NF1: variants seen among roughly 807,000 people sequenced by gnomAD.
The protein encoded by NF1 is neurofibromin 1, also known as neurofibromin.
NF1 carries 122 observed loss-of-function variants against 325.7 expected under a neutral mutation model. The observed-to-expected ratio is 0.37, with a 90% CI of 0.32 to 0.44. The LOEUF (loss-of-function observed/expected upper bound fraction) is 0.44. Among genes scored for constraint, NF1 ranks in the 20% least tolerant of loss-of-function variants. The probability of loss-of-function intolerance (pLI) is 1.00; values close to 1 mark genes in which losing one functional copy is unlikely to be tolerated. For synonymous variants in NF1, 1,091 were observed against 1,186.0 expected, an observed-to-expected ratio of 0.92 and a Z score of 1.65; for missense variants, 2,140 against 3,415.4, an observed-to-expected ratio of 0.63 and a Z score of 9.31.
Position 31,100,347 on chromosome 17 carries a change from A to G in NF1, c.60+4978A>G, listed in dbSNP as rs1024782953. 3.9e-5 allele frequency among the ~76,000 whole-genome samples: 6 copies of G among 152,266 alleles called. No individual in the cohort carries two copies. The South Asian group carries it at 6.2e-4, about 16-fold the overall frequency. On this transcript the variant is annotated intron_variant, in intron 1 of 57. Transcript: ENST00000358273. ...CAAAACTGAAGCTTTTTGGATTTAA[A>G]AAATATCTCCTAGCCTCATTCTTCA...
chr17:31,304,899 A>G (rs534001307), intron 36 of NF1: 7 of 1,614,150 alleles, frequency 4.3e-6, no homozygotes, highest in South Asian at 1.1e-5. Context: ...TACCTGCCCA[A>G]TTTTGATCAT....
At chr17:31,218,864 G>A (rs1249376280) in intron 13 of NF1, 141 bp from the exon 14 acceptor site, 15 of 850,454 alleles carry the variant, frequency 1.8e-5, no homozygotes, top group South Asian at 4.9e-5. Context: ...GAACCACCGC[G>A]TCCAGCCTAG....
chr17:31,173,755 A>G (rs2065972164), intron 5 of NF1, among the ~76,000 whole-genome samples: 1 of 152,226 alleles, frequency 6.6e-6, no homozygotes, highest in South Asian at 2.1e-4. Flanking sequence ...CAGGAAAATG[A>G]TAAATTCAGT....
At chr17:31,182,283 A>G (rs1340292194) in intron 7 of NF1, among the ~76,000 whole-genome samples, 3 of 152,178 alleles carry the variant, frequency 2.0e-5, no homozygotes, top group Admixed American at 2.0e-4. Flanking sequence ...TCCATTCTAA[A>G]ATGTGAGCTT....
chr17:31,338,508 C>G (rs1297074948), intron 45 of NF1, among the ~76,000 whole-genome samples, 196 bp from the exon 46 acceptor site: 2 of 152,070 alleles, frequency 1.3e-5, no homozygotes, highest in African/African-American at 2.4e-5. Flanking sequence ...TAATGTCTGA[C>G]TCTTATAATG....
intron 36 of NF1, chr17:31,294,904 C>G: frequency 1.4e-6 from 2 of 1,478,666 alleles, no homozygotes; most frequent in East Asian, 4.5e-5. Context: ...GACTGGCTTT[C>G]TTGAATACTT....
chr17:31,277,442 G>A (rs2068029623), intron 36 of NF1, among the ~76,000 whole-genome samples: 1 of 152,170 alleles, frequency 6.6e-6, no homozygotes. Context: ...TGTTGTCTTA[G>A]CCAGTGATAT....
intron 14 of NF1, among the ~76,000 whole-genome samples, chr17:31,221,063 G>A (rs2066912798): frequency 6.6e-6 from 1 of 152,084 alleles, no homozygotes; most frequent in African/African-American, 2.4e-5. Context: ...TGAAAGAAAT[G>A]TCCAGAGCTT....
intron 14 of NF1, among the ~76,000 whole-genome samples, chr17:31,219,747 A>G (rs17884466): frequency 0.084 from 12,796 of 151,518 alleles, 723 homozygotes; most frequent in Non-Finnish European, 0.13. Flanking sequence ...CATCCCTACC[A>G]ACTACTAATC....
In NF1 at chr17:31,280,023, A is replaced by G. The variant is rs951581124; in HGVS notation, c.4835+14684A>G. Among the ~76,000 whole-genome samples, 7 of 152,088 alleles carry G rather than the reference A, an allele frequency of 4.6e-5. 1 individual carries two copies. Among genetic ancestry groups the G allele is most frequent in the African/African-American group, 1.7e-4 (7 of 41,422 alleles). On this transcript the variant is annotated intron_variant, in intron 36 of 57. Coordinates refer to ENST00000358273, the MANE Select transcript of NF1 (RefSeq NM_001042492.3). Reference sequence around the variant, plus strand: ...CTTAATTTTTACCTGCTCTTACCACATACATCTGATTAGTCATTAAGTCTT... The same window carrying G: ...CTTAATTTTTACCTGCTCTTACCACGTACATCTGATTAGTCATTAAGTCTT...
chr17:31,331,607 G>C (rs760831892), intron 39 of NF1: 1 of 152,094 alleles, frequency 6.6e-6, no homozygotes, highest in African/African-American at 2.4e-5. Flanking sequence ...TGATAAAGAA[G>C]CATCACAAAC....
rs559238887 is a variant in NF1 at position 31,333,597 on chromosome 17, G to A, written c.5813-1241G>A. Among the ~76,000 whole-genome samples, 12 of 152,198 alleles carry A rather than the reference G, an allele frequency of 7.9e-5. No homozygotes were observed. In the South Asian group the frequency reaches 2.5e-3, roughly 32 times the overall value. On this transcript the variant is annotated intron_variant, in intron 39 of 57. Coordinates refer to ENST00000358273, the MANE Select transcript of NF1 (RefSeq NM_001042492.3). Reference sequence around the variant, plus strand: ...TTTATAATAGCAAAAAAATGAACAGGCCAAAAGTCAAAGAATAAGGAACTG... The same window carrying A: ...TTTATAATAGCAAAAAAATGAACAGACCAAAAGTCAAAGAATAAGGAACTG...
chr17:31,202,224 TC>T (rs1421653877), intron 11 of NF1, among the ~76,000 whole-genome samples: 1 of 152,228 alleles, frequency 6.6e-6, no homozygotes, highest in Non-Finnish European at 1.5e-5. Context: ...AGTGTTATTT[TC>T]CATTGTTCCA....
At chr17:31,102,455 A>C (rs1724943772) in intron 1 of NF1, among the ~76,000 whole-genome samples, 2 of 152,014 alleles carry the variant, frequency 1.3e-5, no homozygotes, top group Admixed American at 6.6e-5. Context: ...TAAATAAGGG[A>C]GAGTAGGCCA....
intron 1 of NF1, among the ~76,000 whole-genome samples, chr17:31,098,805 G>T (rs1912023354): frequency 6.6e-6 from 1 of 152,044 alleles, no homozygotes; most frequent in South Asian, 2.1e-4. Context: ...GGTGGTGGGT[G>T]CCTGTAGTCC....
chr17:31,109,636 G>A (rs1913232762), intron 1 of NF1, among the ~76,000 whole-genome samples: 1 of 151,850 alleles, frequency 6.6e-6, no homozygotes, highest in East Asian at 1.9e-4. Context: ...CTCTTGCCTC[G>A]GCCTCCCAAA....
intron 8 of NF1, among the ~76,000 whole-genome samples, chr17:31,196,036 G>A (rs1428320784): frequency 2.6e-5 from 4 of 151,968 alleles, no homozygotes; most frequent in Non-Finnish European, 4.4e-5. Flanking sequence ...TTGATGGTTT[G>A]TTCTTTGCTA....
intron 1 of NF1, among the ~76,000 whole-genome samples, chr17:31,142,863 T>C (rs1398750523): frequency 1.3e-4 from 13 of 101,134 alleles, no homozygotes; most frequent in East Asian, 2.7e-4. Flanking sequence ...CGAGACTCTG[T>C]CTCAAAAAAA....
At chr17:31,369,049 T>C (rs940564331) in intron 57 of NF1, among the ~76,000 whole-genome samples, 3 of 152,162 alleles carry the variant, frequency 2.0e-5, no homozygotes, top group Non-Finnish European at 4.4e-5. Flanking sequence ...ACCTAACCCA[T>C]TTTTCCTTAG....
Sources: gnomAD v4.1 joint callset for allele counts (sites outside exome capture counted in the v4.1 genomes callset) on GRCh38, gnomAD v4.1.1 for gene constraint, MANE v1.5 for transcripts, NCBI Gene and HGNC (gene_info 2026-07-23, HGNC 2026-07-21) for gene names.